COX10: variants seen among roughly 807,000 people sequenced by gnomAD.
The protein encoded by COX10 is protoheme IX farnesyltransferase, mitochondrial.
Under a neutral mutation model 37.3 loss-of-function variants are expected in COX10, and 27 were observed. The ratio of observed to expected loss-of-function variants is 0.72; its 90% CI spans 0.53 to 1.00. COX10 has a LOEUF of 1.00. COX10 is among the 50% of genes least tolerant of loss of function. The probability of loss-of-function intolerance (pLI) is 0.00; values close to 1 mark genes in which losing one functional copy is unlikely to be tolerated. For missense variants in COX10, 475 were observed against 563.2 expected, an observed-to-expected ratio of 0.84 and a Z score of 1.59; for synonymous variants, 222 against 229.1, an observed-to-expected ratio of 0.97 and a Z score of 0.28.
intron 3 of COX10, among the ~76,000 whole-genome samples, chr17:14,077,709 C>G (rs894604682): frequency 6.6e-6 from 1 of 152,114 alleles, no homozygotes. Flanking sequence ...CTGGGCTAAC[C>G]CTGTTTAGAA....
intron 2 of COX10, among the ~76,000 whole-genome samples, 153 bp from the exon 3 acceptor site, chr17:14,076,582 A>G (rs1915156744): frequency 6.6e-6 from 1 of 152,150 alleles, no homozygotes; most frequent in African/African-American, 2.4e-5. Context: ...TCCATATAGC[A>G]CTCTATAAAT....
intron 4 of COX10, among the ~76,000 whole-genome samples, chr17:14,119,222 C>CA (rs1916177533): frequency 6.6e-6 from 1 of 152,076 alleles, no homozygotes; most frequent in Admixed American, 6.6e-5. Flanking sequence ...TTGTGATTGC[C>CA]AATAATTGAC....
At chr17:14,146,191 G>T (rs1348839276) in intron 4 of COX10, among the ~76,000 whole-genome samples, 1 of 151,918 alleles carries the variant, frequency 6.6e-6, no homozygotes, top group Non-Finnish European at 1.5e-5. Context: ...AAAACTAGAG[G>T]AATCACATTA....
At chr17:14,112,377 G>T (rs1916022178) in intron 4 of COX10, among the ~76,000 whole-genome samples, 1 of 152,096 alleles carries the variant, frequency 6.6e-6, no homozygotes, top group South Asian at 2.1e-4. Flanking sequence ...TTCTGATTTG[G>T]CTGGACCAGA....
intron 4 of COX10, among the ~76,000 whole-genome samples, chr17:14,133,686 G>A (rs559319965): frequency 3.6e-4 from 55 of 151,680 alleles, no homozygotes; most frequent in South Asian, 1.0e-3. Context: ...GAATAAAAGA[G>A]TTTGCTAGAT....
intron 5 of COX10, among the ~76,000 whole-genome samples, chr17:14,163,065 A>G (rs12936411): frequency 1.3e-5 from 2 of 151,926 alleles, no homozygotes; most frequent in African/African-American, 4.8e-5. Context: ...CAATAAAGTT[A>G]CTGACTGGTT....
intron 3 of COX10, among the ~76,000 whole-genome samples, chr17:14,093,015 T>C (rs1597497462): frequency 6.6e-6 from 1 of 152,332 alleles, no homozygotes; most frequent in South Asian, 2.1e-4. Context: ...TTGGTCAGCT[T>C]TCCACGTTAA....
At chr17:14,197,678 A>C (rs950890736) in intron 6 of COX10, among the ~76,000 whole-genome samples, 1 of 152,232 alleles carries the variant, frequency 6.6e-6, no homozygotes, top group African/African-American at 2.4e-5. Flanking sequence ...TTATAACTGC[A>C]CAATGAACTG....
At chr17:14,184,957 G>A in intron 5 of COX10, among the ~76,000 whole-genome samples, 1 of 148,488 alleles carries the variant, frequency 6.7e-6, no homozygotes, top group South Asian at 2.2e-4. Flanking sequence ...ATGGTGTGGA[G>A]GATCTACCCA....
chr17:14,101,349 A>G (rs1002836129), intron 3 of COX10, among the ~76,000 whole-genome samples: 4 of 152,068 alleles, frequency 2.6e-5, no homozygotes, highest in African/African-American at 9.7e-5. Context: ...TCCAACTTAA[A>G]TGTCATCTTC....
At chr17:14,164,843 G>A (rs1905242521) in intron 5 of COX10, among the ~76,000 whole-genome samples, 1 of 152,182 alleles carries the variant, frequency 6.6e-6, no homozygotes, top group Non-Finnish European at 1.5e-5. Flanking sequence ...AAGGAGAGGT[G>A]TCATTGTTAT....
At chr17:14,123,366 C>T (rs2142214239) in intron 4 of COX10, among the ~76,000 whole-genome samples, 1 of 152,260 alleles carries the variant, frequency 6.6e-6, no homozygotes, top group Middle Eastern at 3.4e-3. Flanking sequence ...AATGCTAAAT[C>T]TCTTCTCAGC....
At chr17:14,169,010 G>A (rs936395661) in intron 5 of COX10, among the ~76,000 whole-genome samples, 51 of 152,124 alleles carry the variant, frequency 3.4e-4, no homozygotes, top group South Asian at 1.7e-3. Flanking sequence ...TAGATTTTCC[G>A]AACTTTTAAG....
At chr17:14,132,153 G>A (rs77370653) in intron 4 of COX10, among the ~76,000 whole-genome samples, 1,811 of 151,994 alleles carry the variant, frequency 0.012, 29 homozygotes, top group African/African-American at 0.042. Context: ...TTGCAGATGA[G>A]GTGAGGAGAT....
intron 4 of COX10, among the ~76,000 whole-genome samples, chr17:14,113,059 G>T (rs972640512): frequency 3.3e-5 from 5 of 152,156 alleles, no homozygotes; most frequent in African/African-American, 9.7e-5. Flanking sequence ...GACTCTGCAT[G>T]ATCTGATTCT....
chr17:14,092,913 T>C (rs184387276), intron 3 of COX10, among the ~76,000 whole-genome samples: 2 of 152,320 alleles, frequency 1.3e-5, no homozygotes, highest in African/African-American at 4.8e-5. Context: ...TTATACAATT[T>C]TGAACTTTGA....
At chr17:14,160,677 TAAAG>T (rs1169578317) in intron 5 of COX10, among the ~76,000 whole-genome samples, 3 of 152,164 alleles carry the variant, frequency 2.0e-5, no homozygotes, top group African/African-American at 2.4e-5. Flanking sequence ...AGTAAAATAA[TAAAG>T]GAAGCAAGTG....
At chr17:14,165,187 G>A (rs1011325070) in intron 5 of COX10, among the ~76,000 whole-genome samples, 1 of 152,156 alleles carries the variant, frequency 6.6e-6, no homozygotes, top group African/African-American at 2.4e-5. Flanking sequence ...ATTATAGTTT[G>A]CAGGTATGCA....
At chr17:14,201,015 G>C (rs935152343) in intron 6 of COX10, among the ~76,000 whole-genome samples, 2 of 152,166 alleles carry the variant, frequency 1.3e-5, no homozygotes, top group African/African-American at 4.8e-5. Flanking sequence ...GGCCAGACAC[G>C]AGCAGAGGAC....
Sources: gnomAD v4.1 joint callset for allele counts (sites outside exome capture counted in the v4.1 genomes callset) on GRCh38, gnomAD v4.1.1 for gene constraint, MANE v1.5 for transcripts, NCBI Gene and HGNC (gene_info 2026-07-23, HGNC 2026-07-21) for gene names.